The following SRRM4 variants were observed in gnomAD, a reference collection of about 807,000 sequenced individuals.
SRRM4 encodes serine/arginine repetitive matrix protein 4.
In SRRM4, 33 loss-of-function variants were observed where a neutral mutation model predicts 68.9. The observed-to-expected ratio is 0.48, with a 90% CI of 0.36 to 0.64. The LOEUF is 0.64. SRRM4 is among the 30% of genes least tolerant of loss of function. The pLI, the probability that SRRM4 is intolerant of heterozygous loss-of-function variation, is 0.00. For missense variants in SRRM4, 817 were observed against 827.1 expected (o/e 0.99, Z 0.15); for synonymous variants, 318 against 318.8 (o/e 1.00, Z 0.03).
chr12:119,065,461 G>C (rs1239979937), intron 1 of SRRM4, among the ~76,000 whole-genome samples: 1 of 152,176 alleles, frequency 6.6e-6, no homozygotes, highest in Non-Finnish European at 1.5e-5. Context: ...GGGTGGCCAG[G>C]TGCGGTGGTT....
intron 1 of SRRM4, among the ~76,000 whole-genome samples, chr12:119,075,585 T>C (rs1346285991): frequency 1.4e-5 from 2 of 144,344 alleles, no homozygotes; most frequent in Non-Finnish European, 3.0e-5. Flanking sequence ...ATGATGGTGA[T>C]GATGATGATG....
At chr12:119,017,981 G>A (rs1027608894) in intron 1 of SRRM4, among the ~76,000 whole-genome samples, 1 of 152,120 alleles carries the variant, frequency 6.6e-6, no homozygotes, top group African/African-American at 2.4e-5. Context: ...CATCACTAAC[G>A]TGAGGCAGAA....
intron 8 of SRRM4, among the ~76,000 whole-genome samples, chr12:119,131,799 A>G (rs893330372): frequency 3.3e-5 from 5 of 152,230 alleles, no homozygotes; most frequent in Non-Finnish European, 7.3e-5. Flanking sequence ...ACGAACAGGA[A>G]GAGAGTCAAC....
At chr12:119,029,581 T>C (rs982274199) in intron 1 of SRRM4, among the ~76,000 whole-genome samples, 1 of 152,238 alleles carries the variant, frequency 6.6e-6, no homozygotes, top group African/African-American at 2.4e-5. Context: ...GAAGTGATCC[T>C]TGTCTTTCTG....
In SRRM4 at chr12:119,125,373, C is replaced by T. The variant is rs1024513937; in HGVS notation, c.516-8C>T. The stretch of plus-strand genomic sequence containing the variant: ...CTCCTCTGACTCGTTCCTTCTCATC[C>T]CCCCAAGATCTCGAAGCCGGCCCCG... On this transcript the variant is annotated splice_region_variant and splice_polypyrimidine_tract_variant and intron_variant, in intron 6 of 12. Coordinates refer to ENST00000267260, the MANE Select transcript of SRRM4 (RefSeq NM_194286.4). The T allele has an allele frequency of 3.1e-6, 5 of 1,610,528 alleles. No homozygotes were observed. The highest frequency in any genetic ancestry group is 4.2e-6 in the Non-Finnish European group (5 of 1,177,862).
intron 1 of SRRM4, among the ~76,000 whole-genome samples, chr12:119,074,474 A>G (rs1953896637): frequency 6.6e-6 from 1 of 152,194 alleles, no homozygotes; most frequent in African/African-American, 2.4e-5. Context: ...GCCTTGTGGT[A>G]AGGCTACAGA....
At chr12:119,067,689 C>T (rs550774416) in intron 1 of SRRM4, among the ~76,000 whole-genome samples, 3 of 152,124 alleles carry the variant, frequency 2.0e-5, no homozygotes, top group Admixed American at 2.0e-4. Flanking sequence ...GCCTGGGTGA[C>T]ATAACGAGAT....
At chr12:119,125,520 C>A in intron 7 of SRRM4, 41 bp downstream of exon 7, 1 of 1,567,566 alleles carries the variant, frequency 6.4e-7, no homozygotes, top group Non-Finnish European at 8.8e-7. Flanking sequence ...CAGCCACAGC[C>A]GAGCCCAGGC....
chr12:119,036,644 G>A (rs142382620), intron 1 of SRRM4: 4 of 152,278 alleles, frequency 2.6e-5, no homozygotes, highest in African/African-American at 7.2e-5. Context: ...CATCCCTGAG[G>A]AGTTCTTGCT....
intron 1 of SRRM4, among the ~76,000 whole-genome samples, chr12:119,099,208 CACTGCA>C (rs1954062981): frequency 6.6e-6 from 1 of 152,154 alleles, no homozygotes; most frequent in South Asian, 2.1e-4. Flanking sequence ...GATCTCAGCT[CACTGCA>C]ACCTCTGCTT....
chr12:119,024,531 A>C (rs1953535849), intron 1 of SRRM4, among the ~76,000 whole-genome samples: 1 of 152,160 alleles, frequency 6.6e-6, no homozygotes, highest in Non-Finnish European at 1.5e-5. Context: ...TCATAAGCCC[A>C]TTCTCTGTGT....
At chr12:119,126,645 C>G (rs1276328897) in intron 7 of SRRM4, among the ~76,000 whole-genome samples, 1 of 152,146 alleles carries the variant, frequency 6.6e-6, no homozygotes, top group African/African-American at 2.4e-5. Flanking sequence ...CATTGGTTGT[C>G]CCAACCTGAG....
chr12:119,100,327 C>CAAAAAAA (rs34887621), intron 1 of SRRM4, among the ~76,000 whole-genome samples: 17 of 105,430 alleles, frequency 1.6e-4, no homozygotes, highest in African/African-American at 5.2e-4. Context: ...CCTGTCTCTA[C>CAAAAAAA]AAAAAAAAAA....
chr12:119,103,869 T>C (rs777379479), intron 2 of SRRM4, among the ~76,000 whole-genome samples: 2 of 152,140 alleles, frequency 1.3e-5, no homozygotes, highest in African/African-American at 2.4e-5. Flanking sequence ...CCAGGTGTGA[T>C]GGTGCACACC....
At chr12:119,052,154 T>G (rs1042263661) in intron 1 of SRRM4, among the ~76,000 whole-genome samples, 20 of 152,310 alleles carry the variant, frequency 1.3e-4, no homozygotes, top group African/African-American at 4.1e-4. Flanking sequence ...TTCATCTGCT[T>G]GATGCCACAC....
intron 2 of SRRM4, among the ~76,000 whole-genome samples, chr12:119,105,512 C>T (rs944523907): frequency 6.6e-6 from 1 of 152,212 alleles, no homozygotes; most frequent in Non-Finnish European, 1.5e-5. Context: ...GATCGCCATT[C>T]TAACTGGTGT....
chr12:119,039,492 A>G (rs1953651598), intron 1 of SRRM4, among the ~76,000 whole-genome samples: 1 of 152,194 alleles, frequency 6.6e-6, no homozygotes, highest in Admixed American at 6.5e-5. Context: ...TGTTTGTTTA[A>G]GGAGTTTAGT....
At chr12:119,011,215 G>A (rs1953446927) in intron 1 of SRRM4, among the ~76,000 whole-genome samples, 1 of 152,134 alleles carries the variant, frequency 6.6e-6, no homozygotes, top group Admixed American at 6.5e-5. Context: ...GGAAGAGTAG[G>A]TGGAAGACAC....
chr12:119,029,136 A>T (rs1953569833), intron 1 of SRRM4, among the ~76,000 whole-genome samples: 1 of 152,194 alleles, frequency 6.6e-6, no homozygotes, highest in Non-Finnish European at 1.5e-5. Flanking sequence ...TAGGCATTAC[A>T]CCATCCCCAT....
Sources: allele counts gnomAD v4.1 joint callset (sites outside exome capture counted in the v4.1 genomes callset), GRCh38; gene constraint gnomAD v4.1.1; transcripts MANE v1.5; gene names NCBI Gene and HGNC (gene_info 2026-07-23, HGNC 2026-07-21).